SLC49A3: variants seen among roughly 807,000 people sequenced by gnomAD.
SLC49A3 encodes the protein solute carrier family 49 member A3.
SLC49A3 carries 50 observed loss-of-function variants against 43.8 expected under a neutral mutation model. That is an observed-to-expected ratio of 1.14 (90% CI 0.91 to 1.45). The LOEUF is 1.45. Ranked by LOEUF, SLC49A3 falls within the 40% of genes most tolerant of loss-of-function variation. The probability of loss-of-function intolerance (pLI) is 0.00; values close to 1 mark genes in which losing one functional copy is unlikely to be tolerated. For synonymous variants in SLC49A3, 413 were observed against 352.0 expected (o/e 1.17, Z -1.94); for missense variants, 906 against 774.1 (o/e 1.17, Z -2.02).
In SLC49A3 at chr4:689,034, A is replaced by C; in HGVS notation, c.94T>G (p.Phe32Val). The C allele has an allele frequency of 6.3e-7, 1 of 1,592,680 alleles. No individual in the cohort carries two copies. Residue 32 changes from phenylalanine to valine, a missense_variant, in exon 1 of 10, where the codon TTC becomes GTC. Phe to Val is a conservative substitution (Grantham distance 50). Coordinates refer to ENST00000322224, the MANE Select transcript of SLC49A3 (RefSeq NM_032219.4). ...GHRTYARRWV[F>V]LLAISLLNCS... is the part of the protein sequence containing the mutation. ...TTGAGCAGGCTGATCGCGAGCAGGA[A>C]CACCCAGCGGCGCGCGTAGGTGCGG... is the stretch of plus-strand genomic sequence containing the variant.
intron 7 of SLC49A3, 98 bp downstream of exon 7, chr4:683,511 G>C (rs909036744): frequency 3.3e-6 from 5 of 1,503,130 alleles, no homozygotes; most frequent in African/African-American, 1.4e-5. Flanking sequence ...GCATGAGACA[G>C]TCCAGACCTC....
At position 681,995 on chromosome 4, in the gene SLC49A3, G is replaced by A. The variant is rs1243845427; in HGVS notation, c.1643C>T (p.Ser548Phe). The A allele has an allele frequency of 7.1e-7, 1 of 1,416,890 alleles. No individual in the cohort carries two copies. 87.8% of individuals were successfully genotyped at this position (1,416,890 alleles called of 1,614,324 possible). A position where few individuals can be genotyped will look rare whatever the true frequency, so the allele number is the denominator to read the frequency against. Residue 548 changes from serine to phenylalanine, a missense_variant, in exon 10 of 10, where the codon TCT becomes TTT. Transcript: ENST00000322224. ...CCACGGGGAGGAGAAGGAGGAGTGAGACCCAGCCGGGTCAATAAACCTGGA... is the reference window on the plus strand; with the variant it reads ...CCACGGGGAGGAGAAGGAGGAGTGAAACCCAGCCGGGTCAATAAACCTGGA... ...QASRFIDPAG[S>F]HSSFSSPWVI...
chr4:685,733 CACACGGGCACAGGA>C lies in SLC49A3; in HGVS notation c.585+88_585+101del. 1 of 1,293,868 alleles carries C rather than the reference CACACGGGCACAGGA, an allele frequency of 7.7e-7. No individual in the cohort carries two copies. The highest frequency in any genetic ancestry group is 1.3e-5 in the South Asian group (1 of 79,786). 80.1% of individuals were successfully genotyped at this position (1,293,868 alleles called of 1,614,324 possible). A position where few individuals can be genotyped will look rare whatever the true frequency, so the allele number is the denominator to read the frequency against. On this transcript the variant is annotated intron_variant, in intron 4 of 9. Coordinates refer to ENST00000322224, the MANE Select transcript of SLC49A3 (RefSeq NM_032219.4). This position sits in a 1 kb window ranked among gnomAD's most constrained non-coding sequence, Gnocchi z 4.3. ...GTGGCGGGGCGGGGGACGGGAATCA[CACACGGGCACAGGA>C]ACACGGACACACTTGGGATCAGGAA... is the stretch of plus-strand genomic sequence containing the variant.
downstream of SLC49A3, chr4:678,208 T>C (rs921733484): frequency 5.3e-6 from 8 of 1,511,334 alleles, no homozygotes; most frequent in African/African-American, 9.6e-5. Context: ...GTGTGTGACC[T>C]TGCGGGTGTG....
At position 683,303 on chromosome 4, in the gene SLC49A3, C is replaced by T; in HGVS notation, c.1058G>A (p.Gly353Asp). ...CATGGCCACGGGGCCCACCGAGAAG[C>T]CAAACAGCCCGAGCAGCGAGCAGGT... Reference protein sequence around the residue: ...AATCSLLGLFGFSVGPVAMEL... With the variant: ...AATCSLLGLFDFSVGPVAMEL... The change falls in exon 8 of 10, where the codon GGC (glycine) becomes GAC (aspartate). Residue 353 changes from glycine (G) to aspartate (D), a missense_variant. By Grantham distance (94) the Gly-to-Asp change is moderately conservative (BLOSUM62 -1). Transcript: ENST00000322224. The T allele has an allele frequency of 6.2e-7, 1 of 1,612,668 alleles. No individual in the cohort carries two copies. The highest frequency in any genetic ancestry group is 8.5e-7 in the Non-Finnish European group (1 of 1,179,816).
chr4:680,669 AC>A, downstream of SLC49A3: 1 of 1,394,328 alleles, frequency 7.2e-7, no homozygotes, highest in South Asian at 1.2e-5. Flanking sequence ...ACAGTCAGCC[AC>A]CAGATGCCAC....
chr4:679,681 C>T (rs1193060510), downstream of SLC49A3, among the ~76,000 whole-genome samples: 2 of 152,208 alleles, frequency 1.3e-5, no homozygotes, highest in Middle Eastern at 3.2e-3. Context: ...CCTTCCCAGG[C>T]TCTGTGTCAC....
rs534288644 is a variant in SLC49A3 at position 681,928 on chromosome 4, G to A, written c.*30C>T. On this transcript the variant is annotated 3_prime_UTR_variant, in exon 10 of 10. Transcript: ENST00000322224. The stretch of plus-strand genomic sequence containing the variant: ...TGTTCCAGTTCGCCTCCATCGATGT[G>A]GCGGGCAACCTGGACTACAAGGCGC... 5 of 1,323,220 alleles carry A rather than the reference G, an allele frequency of 3.8e-6. No homozygotes were observed. The highest frequency in any genetic ancestry group is 3.1e-5 in the Admixed American group (1 of 32,714). The allele number at this position is 1,323,220 out of a possible 1,614,324, so 82.0% of individuals were successfully genotyped here.
At position 686,155 on chromosome 4, in the gene SLC49A3, C is replaced by T. The variant is rs1417418185; in HGVS notation, c.442G>A (p.Ala148Thr). 9 of 1,613,224 alleles carry T rather than the reference C, an allele frequency of 5.6e-6. No individual in the cohort carries two copies. Among genetic ancestry groups the T allele is most frequent in the Non-Finnish European group, 7.6e-6 (9 of 1,180,012 alleles). ...GGGAACCACAAGGCAGCCAGCTTGG[C>T]TGGAGAGAAGATGACCAGGCTCTGG... ...LAQSLVIFSP[A>T]KLAALWFPEH... The change falls in exon 3 of 10, where the codon GCC (alanine) becomes ACC (threonine). Residue 148 changes from alanine (A) to threonine (T), a missense_variant. Ala to Thr is a moderately conservative substitution (Grantham distance 58). Coordinates refer to ENST00000322224, the MANE Select transcript of SLC49A3 (RefSeq NM_032219.4).
At chr4:679,826 G>T, downstream of SLC49A3, 6 of 1,079,910 alleles carry the variant, frequency 5.6e-6, no homozygotes, top group South Asian at 3.9e-5. Context: ...CTTCCCATCT[G>T]CCTGCCTGGC....
At chr4:687,351 C>G (rs1353754807) in intron 1 of SLC49A3, 1 of 152,458 alleles carries the variant, frequency 6.6e-6, no homozygotes, top group African/African-American at 2.4e-5. Context: ...CGACTGAGCT[C>G]CAGGCCACAC....
chr4:686,006 C>T, intron 3 of SLC49A3, 83 bp downstream of exon 3: 1 of 1,607,158 alleles, frequency 6.2e-7, no homozygotes, highest in Non-Finnish European at 8.5e-7. Context: ...CTCCTCCACC[C>T]TGGCCAGAGA....
downstream of SLC49A3, among the ~76,000 whole-genome samples, chr4:679,636 C>T (rs569151393): frequency 2.0e-5 from 3 of 152,290 alleles, no homozygotes; most frequent in South Asian, 6.2e-4. Flanking sequence ...CTCGGCCCTG[C>T]TTATGCCCAG....
At chr4:691,618 A>C (rs541130272), upstream of SLC49A3, among the ~76,000 whole-genome samples, 1 of 151,690 alleles carries the variant, frequency 6.6e-6, no homozygotes, top group Non-Finnish European at 1.5e-5. Context: ...AAATAAAACA[A>C]GGAAAAAAAA....
chr4:683,122 C>T (rs768484677), intron 8 of SLC49A3, 88 bp downstream of exon 8: 15 of 1,550,270 alleles, frequency 9.7e-6, no homozygotes, highest in Admixed American at 1.8e-5. Context: ...CGAAAAGGGG[C>T]CTGGACCACA....
At chr4:680,910 C>T (rs1463442327), downstream of SLC49A3, 5 of 717,414 alleles carry the variant, frequency 7.0e-6, no homozygotes, top group African/African-American at 7.1e-5. Context: ...CAGCGGCTCC[C>T]CCAGAAGTGA....
downstream of SLC49A3, chr4:678,388 G>A (rs28655411): frequency 1.6e-5 from 23 of 1,412,828 alleles, no homozygotes; most frequent in Middle Eastern, 2.6e-4. Context: ...CCTGCTGGAC[G>A]GCGATCCCTG....
chr4:680,734 TC>T, downstream of SLC49A3: 2 of 830,624 alleles, frequency 2.4e-6, no homozygotes, highest in Non-Finnish European at 3.8e-6. Context: ...GAACCCAGGA[TC>T]CCAGCTGAGT....
rs142958101 is a variant in SLC49A3 at position 685,982 on chromosome 4, C to G, written c.509-71G>C. The G allele has an allele frequency of 8.5e-4, 1,374 of 1,609,512 alleles. 12 individuals carry two copies. In the African/African-American group the frequency reaches 0.016, roughly 19 times the overall value. On this transcript the variant is annotated intron_variant, in intron 3 of 9. Coordinates refer to ENST00000322224, the MANE Select transcript of SLC49A3 (RefSeq NM_032219.4). The surrounding 1 kb of genome is among the most constrained non-coding windows in gnomAD (Gnocchi z 4.3). ...TTCATCGCCAGCCCACAGGCAGAACCTTCCGGGCCCCAGCTCCTCCACCCT... is the reference window on the plus strand; with the variant it reads ...TTCATCGCCAGCCCACAGGCAGAACGTTCCGGGCCCCAGCTCCTCCACCCT...
Sources: gnomAD v4.1 joint callset for allele counts (sites outside exome capture counted in the v4.1 genomes callset) on GRCh38, gnomAD v4.1.1 for gene constraint, Gnocchi (gnomAD v3.1) non-coding constraint, MANE v1.5 for transcripts, NCBI Gene and HGNC (gene_info 2026-07-23, HGNC 2026-07-21) for gene names.